The following DNAH12 variants were observed in gnomAD, a reference collection of about 807,000 sequenced individuals.
DNAH12 encodes the protein axonemal beta dynein heavy chain 12.
In DNAH12, 285 loss-of-function variants were observed where a neutral mutation model predicts 371.5. The observed-to-expected ratio is 0.77, with a 90% CI of 0.70 to 0.85. The LOEUF (loss-of-function observed/expected upper bound fraction) is 0.85. Ranked by LOEUF, DNAH12 falls within the 40% of genes least tolerant of loss-of-function variation. The pLI, the probability that DNAH12 is intolerant of heterozygous loss-of-function variation, is 0.00. For missense variants in DNAH12, 3,611 were observed against 3,689.4 expected, an observed-to-expected ratio of 0.98 and a Z score of 0.55; for synonymous variants, 1,200 against 1,213.0, an observed-to-expected ratio of 0.99 and a Z score of 0.22.
In DNAH12 at chr3:57,510,975, T is replaced by C; in HGVS notation, c.284A>G (p.Asn95Ser). 6.3e-7 allele frequency: 1 copy of C among 1,591,270 alleles called. No individual in the cohort carries two copies. The highest frequency in any genetic ancestry group is 8.5e-7 in the Non-Finnish European group (1 of 1,174,548). Residue 95 changes from asparagine to serine, a missense_variant, in exon 5 of 74, where the codon AAC (asparagine) becomes AGC (serine). Transcript: ENST00000495027. ...MTSEMKKKGF[N>S]YIYMKQCVES... is the part of the protein sequence containing the mutation. ...TACACATTGCTTCATATAAATATAG[T>C]TGAACTGAGAACATAAGAAAAAATT...
chr3:57,526,871 TC>T (rs749091784), intron 2 of DNAH12, among the ~76,000 whole-genome samples: 1 of 78,300 alleles, frequency 1.3e-5, no homozygotes, highest in Non-Finnish European at 2.8e-5. Context: ...TCTTACTCTG[TC>T]ACCCAGGTTG....
chr3:57,384,057 C>T (rs1291477033), intron 49 of DNAH12, among the ~76,000 whole-genome samples: 1 of 152,090 alleles, frequency 6.6e-6, no homozygotes, highest in Non-Finnish European at 1.5e-5. Flanking sequence ...TGTTGACTCC[C>T]TAGTCAACAG....
chr3:57,354,465 C>T (rs2153323560), intron 59 of DNAH12, among the ~76,000 whole-genome samples: 1 of 144,590 alleles, frequency 6.9e-6, no homozygotes, highest in South Asian at 2.2e-4. Context: ...ACCTGTATAA[C>T]AAACCTGCAC....
In DNAH12 at chr3:57,426,269, C is replaced by A. The variant is rs1038164848; in HGVS notation, c.5254-1128G>T. On this transcript the variant is annotated intron_variant, in intron 34 of 73. Transcript: ENST00000495027. ...TCAGATCCTAAAAGGTTTTTATATG[C>A]TGTATTAAGGATTTAATTACAAGAG... Among the ~76,000 whole-genome samples the A allele has an allele frequency of 2.6e-5, 4 of 152,254 alleles. No individual in the cohort carries two copies. In the South Asian group the frequency reaches 8.3e-4, roughly 32 times the overall value.
intron 11 of DNAH12, among the ~76,000 whole-genome samples, chr3:57,500,243 G>A (rs1280481611): frequency 6.6e-6 from 1 of 152,138 alleles, no homozygotes; most frequent in Non-Finnish European, 1.5e-5. Context: ...GTTTCGCCAT[G>A]TTGGCCAGGC....
intron 60 of DNAH12, among the ~76,000 whole-genome samples, chr3:57,345,815 G>C (rs753640311): frequency 6.6e-6 from 1 of 152,080 alleles, no homozygotes; most frequent in Non-Finnish European, 1.5e-5. Flanking sequence ...GATAAAAATA[G>C]ACTAGTATCT....
the DNAH12 span, among the ~76,000 whole-genome samples, chr3:57,552,902 C>T: frequency 2.0e-5 from 3 of 152,018 alleles, no homozygotes; most frequent in African/African-American, 7.3e-5. Flanking sequence ...AGTGGCTGGG[C>T]GTGGTGGCTC....
chr3:57,467,808 C>A (rs1255364233), intron 17 of DNAH12, among the ~76,000 whole-genome samples: 1 of 152,082 alleles, frequency 6.6e-6, no homozygotes, highest in African/African-American at 2.4e-5. Context: ...TGATCTGCCC[C>A]AAATATGGCT....
At chr3:57,392,822 A>C (rs1403509) in intron 44 of DNAH12, among the ~76,000 whole-genome samples, 82,380 of 151,992 alleles carry the variant, frequency 0.54, 22,513 homozygotes, top group East Asian at 0.62. Context: ...ATAGCTAAAG[A>C]AGCAGGAAAG....
Position 57,450,250 on chromosome 3 carries a change from T to TAAAAAA in DNAH12, c.3786+2587_3786+2592dup, listed in dbSNP as rs58958877. Among the ~76,000 whole-genome samples, 847 of 98,566 alleles carry TAAAAAA rather than the reference T, an allele frequency of 8.6e-3. 29 individuals are homozygous for TAAAAAA. Among genetic ancestry groups the TAAAAAA allele is most frequent in the African/African-American group, 0.031 (773 of 24,834 alleles). 64.7% of individuals were successfully genotyped at this position (98,566 alleles called of 152,430 possible). On this transcript the variant is annotated intron_variant, in intron 25 of 73. Coordinates refer to ENST00000495027, the MANE Select transcript of DNAH12 (RefSeq NM_001366028.2). ...GTGACAGAGTGAGACTGTCTCAATTTAAAAAAAAAAAAAGGTGGCCCAGTG... is the reference window on the plus strand; with the variant it reads ...GTGACAGAGTGAGACTGTCTCAATTTAAAAAAAAAAAAAAAAAAAGGTGGCCCAGTG...
intron 58 of DNAH12, among the ~76,000 whole-genome samples, chr3:57,359,329 G>C (rs1328909913): frequency 6.6e-6 from 1 of 151,768 alleles, no homozygotes; most frequent in East Asian, 1.9e-4. Context: ...GGAGGCTGAG[G>C]CGGGTGGATC....
At position 57,470,536 on chromosome 3, in the gene DNAH12, G is replaced by A. The variant is rs1480947945; in HGVS notation, c.2012C>T (p.Thr671Ile). ...TAATTTATCCAGTTCAGGATATTTT[G>A]TCAATTCCCACTTGAAAAGTTCCTC... ...KEEELFKWEL[T>I]KYPELDKLKV... Residue 671 changes from threonine (T) to isoleucine (I), a missense_variant, in exon 16 of 74, where the codon ACA becomes ATA. Thr to Ile is a moderately conservative substitution (Grantham distance 89). This residue lies in a region of DNAH12 where 1,314 missense variants were observed against 1,398.7 expected (regional missense o/e 0.94). Transcript: ENST00000495027. The A allele has an allele frequency of 5.8e-6, 9 of 1,549,976 alleles. No individual in the cohort carries two copies. Among genetic ancestry groups the A allele is most frequent in the Non-Finnish European group, 7.0e-6 (8 of 1,146,586 alleles).
intron 34 of DNAH12, among the ~76,000 whole-genome samples, chr3:57,426,320 A>G (rs1052643797): frequency 6.6e-6 from 1 of 152,160 alleles, no homozygotes; most frequent in African/African-American, 2.4e-5. Context: ...GGAGGGTTTT[A>G]AATAAAGGAA....
intron 30 of DNAH12, among the ~76,000 whole-genome samples, chr3:57,435,851 T>C (rs1047546784): frequency 4.7e-5 from 6 of 127,408 alleles, no homozygotes; most frequent in Non-Finnish European, 1.0e-4. Flanking sequence ...TAAGGGTTGA[T>C]TGTACTATTC....
At chr3:57,359,754 A>C (rs971029900) in intron 58 of DNAH12, among the ~76,000 whole-genome samples, 6 of 152,180 alleles carry the variant, frequency 3.9e-5, no homozygotes, top group African/African-American at 1.4e-4. Flanking sequence ...TAAATTTTGA[A>C]ATCTCTAGAA....
chr3:57,551,091 C>T, the DNAH12 span, among the ~76,000 whole-genome samples: 1 of 151,754 alleles, frequency 6.6e-6, no homozygotes, highest in African/African-American at 2.4e-5. Context: ...TGGCCTCGAT[C>T]TCCTGACCTT....
intron 42 of DNAH12, among the ~76,000 whole-genome samples, chr3:57,404,296 A>G (rs1553680219): frequency 6.6e-6 from 1 of 152,230 alleles, no homozygotes; most frequent in African/African-American, 2.4e-5. Context: ...CTCTCACAAT[A>G]TGGAATAAAC....
intron 65 of DNAH12, among the ~76,000 whole-genome samples, chr3:57,321,481 C>G (rs539554567): frequency 6.6e-6 from 1 of 152,086 alleles, no homozygotes; most frequent in Non-Finnish European, 1.5e-5. Flanking sequence ...TAATGTAACA[C>G]GCTGGACTTT....
intron 39 of DNAH12, among the ~76,000 whole-genome samples, chr3:57,411,020 A>G (rs2064184841): frequency 6.6e-6 from 1 of 152,124 alleles, no homozygotes; most frequent in East Asian, 1.9e-4. Flanking sequence ...AGGGCTAGCA[A>G]TAAGATGAAA....
Sources: allele counts gnomAD v4.1 joint callset (sites outside exome capture counted in the v4.1 genomes callset), GRCh38; gene constraint gnomAD v4.1.1; regional missense constraint gnomAD v4.1.1; transcripts MANE v1.5; gene names NCBI Gene and HGNC (gene_info 2026-07-23, HGNC 2026-07-21).